SOBP: variants seen among roughly 807,000 people sequenced by gnomAD.
SOBP encodes the protein sine oculis-binding protein homolog.
A neutral mutation model predicts 53.6 loss-of-function variants in SOBP; 4 were observed. The observed-to-expected ratio is 0.07, with a 90% CI of 0.04 to 0.17. The LOEUF is 0.17. Among genes scored for constraint, SOBP ranks in the 10% least tolerant of loss-of-function variants. The probability of loss-of-function intolerance (pLI) is 1.00; values close to 1 mark genes in which losing one functional copy is unlikely to be tolerated. For missense variants in SOBP, 1,088 were observed against 1,204.7 expected, an observed-to-expected ratio of 0.90 and a Z score of 1.43; for synonymous variants, 584 against 522.6, an observed-to-expected ratio of 1.12 and a Z score of -1.60.
intron 6 of SOBP, among the ~76,000 whole-genome samples, chr6:107,650,396 C>G (rs911740969): frequency 5.9e-5 from 9 of 152,198 alleles, no homozygotes; most frequent in African/African-American, 2.2e-4. Context: ...TTACGCTTCA[C>G]GAATATTGCC....
At chr6:107,573,807 A>G (rs941767215) in intron 4 of SOBP, among the ~76,000 whole-genome samples, 4 of 152,212 alleles carry the variant, frequency 2.6e-5, no homozygotes. Flanking sequence ...TTAAACATCT[A>G]AGTTTTAAAC....
intron 4 of SOBP, among the ~76,000 whole-genome samples, chr6:107,575,232 G>T (rs1785191495): frequency 6.6e-6 from 1 of 152,182 alleles, no homozygotes; most frequent in African/African-American, 2.4e-5. Context: ...TAAAGGTTTA[G>T]GAAGCTTTAA....
intron 6 of SOBP, among the ~76,000 whole-genome samples, chr6:107,656,674 G>A (rs1214913161): frequency 1.3e-5 from 2 of 152,210 alleles, no homozygotes; most frequent in African/African-American, 2.4e-5. Flanking sequence ...CAAAGCACAA[G>A]CTTCCACTTA....
chr6:107,598,803 GTCA>G (rs1315042674), intron 5 of SOBP, among the ~76,000 whole-genome samples: 3 of 152,108 alleles, frequency 2.0e-5, no homozygotes, highest in Admixed American at 6.5e-5. Flanking sequence ...AAAAATATTG[GTCA>G]TCAAGTTTTT....
intron 5 of SOBP, among the ~76,000 whole-genome samples, chr6:107,615,630 G>A (rs957456955): frequency 1.3e-5 from 2 of 152,164 alleles, no homozygotes; most frequent in African/African-American, 4.8e-5. Context: ...AGGATGGTGT[G>A]TTCCCCAAGG....
chr6:107,501,454 C>T (rs544515538), intron 1 of SOBP, among the ~76,000 whole-genome samples: 44 of 152,240 alleles, frequency 2.9e-4, no homozygotes, highest in African/African-American at 1.0e-3. Flanking sequence ...CATAGATGAC[C>T]GGTCTATAAA....
intron 5 of SOBP, among the ~76,000 whole-genome samples, chr6:107,610,215 A>G (rs1188838317): frequency 6.6e-6 from 1 of 152,154 alleles, no homozygotes; most frequent in Non-Finnish European, 1.5e-5. Flanking sequence ...TTCCCTTTCC[A>G]CAGTGCTTAT....
chr6:107,619,373 A>G (rs1786919339), intron 5 of SOBP, among the ~76,000 whole-genome samples: 1 of 152,226 alleles, frequency 6.6e-6, no homozygotes, highest in Non-Finnish European at 1.5e-5. Flanking sequence ...CTCTGGATGA[A>G]TGAAGTTTAA....
At chr6:107,506,804 C>T (rs1482429662) in intron 3 of SOBP, among the ~76,000 whole-genome samples, 3 of 151,746 alleles carry the variant, frequency 2.0e-5, no homozygotes. Context: ...GCTTGTAATC[C>T]CTGCACTTTG....
chr6:107,508,407 C>T lies in SOBP; in HGVS notation c.421+1980C>T, dbSNP rs779057505. 2.9e-4 allele frequency among the ~76,000 whole-genome samples: 44 copies of T among 152,020 alleles called. 1 individual carries two copies. Among genetic ancestry groups the T allele is most frequent in the South Asian group, 4.2e-4 (2 of 4,814 alleles). On this transcript the variant is annotated intron_variant, in intron 3 of 6. Coordinates refer to ENST00000317357, the MANE Select transcript of SOBP (RefSeq NM_018013.4). Reference sequence around the variant, plus strand: ...TAGCCAGGCCAACATGGAGAAACCCCGTCTCTACTAAAACTGCAAAAATTA... The same window carrying T: ...TAGCCAGGCCAACATGGAGAAACCCTGTCTCTACTAAAACTGCAAAAATTA...
At chr6:107,645,019 T>G (rs553910102) in intron 6 of SOBP, among the ~76,000 whole-genome samples, 2 of 152,106 alleles carry the variant, frequency 1.3e-5, no homozygotes, top group South Asian at 4.2e-4. Context: ...TATGAAAAAT[T>G]TTTGGTGGAA....
chr6:107,633,856 G>C lies in SOBP; in HGVS notation c.1012G>C (p.Ala338Pro), dbSNP rs759324787. Residue 338 changes from alanine (A) to proline (P), a missense_variant, in exon 6 of 7, where the codon GCC becomes CCC. Ala to Pro is a conservative substitution (Grantham distance 27). Around this residue, in one of 6 missense-constraint regions of SOBP, gnomAD observed 211 missense variants for 258.9 expected, o/e 0.82. Coordinates refer to ENST00000317357, the MANE Select transcript of SOBP (RefSeq NM_018013.4). The part of the protein sequence containing the change: ...ASTTVSPSDT[A>P]NCSVTKIPTP... ...CACCACCGTCTCTCCATCTGACACT[G>C]CCAACTGCTCTGTCACTAAAATCCC... 1.9e-5 allele frequency: 30 copies of C among 1,613,882 alleles called. No individual in the cohort carries two copies. Among genetic ancestry groups the C allele is most frequent in the Non-Finnish European group, 5.9e-6 (7 of 1,180,012 alleles).
chr6:107,570,571 C>T (rs958992171), intron 4 of SOBP, among the ~76,000 whole-genome samples: 6 of 152,254 alleles, frequency 3.9e-5, no homozygotes, highest in African/African-American at 1.4e-4. Flanking sequence ...TACAGCCACG[C>T]TCTCATTCTA....
Position 107,533,554 on chromosome 6 carries a change from T to C in SOBP, c.517T>C (p.Phe173Leu). The change falls in exon 4 of 7, where the codon TTC becomes CTC. Residue 173 changes from phenylalanine (F) to leucine (L), a missense_variant. This residue lies in a region of SOBP where 55 missense variants were observed against 134.3 expected (regional missense o/e 0.41). Coordinates refer to ENST00000317357, the MANE Select transcript of SOBP (RefSeq NM_018013.4). ...SLSMGSEVKS[F>L]CSEKCFAACR... ...GAGTATGGGAAGTGAGGTGAAAAGC[T>C]TCTGCAGCGAGAAGTGCTTTGCGGC... 6.2e-7 allele frequency: 1 copy of C among 1,614,126 alleles called. No individual in the cohort carries two copies. Among genetic ancestry groups the C allele is most frequent in the Non-Finnish European group, 8.5e-7 (1 of 1,180,018 alleles).
At chr6:107,544,044 T>C (rs1250842107) in intron 4 of SOBP, among the ~76,000 whole-genome samples, 14 of 152,320 alleles carry the variant, frequency 9.2e-5, no homozygotes, top group Non-Finnish European at 2.9e-5. Flanking sequence ...TCAGTGTAAG[T>C]GGCCTAGGAG....
chr6:107,499,187 A>G (rs990296507), intron 1 of SOBP, among the ~76,000 whole-genome samples: 2 of 152,186 alleles, frequency 1.3e-5, no homozygotes, highest in Admixed American at 6.5e-5. Flanking sequence ...TACAGAATTT[A>G]TAATAGAAAG....
chr6:107,638,135 C>T (rs1771133055), intron 6 of SOBP, among the ~76,000 whole-genome samples: 1 of 152,230 alleles, frequency 6.6e-6, no homozygotes, highest in Non-Finnish European at 1.5e-5. Context: ...TCCGTGTCAC[C>T]TCACAGCACA....
intron 4 of SOBP, among the ~76,000 whole-genome samples, chr6:107,559,333 A>G (rs1784709517): frequency 6.6e-6 from 1 of 152,176 alleles, no homozygotes; most frequent in Admixed American, 6.5e-5. Flanking sequence ...GGGAACCCAT[A>G]CAGAAGATGT....
At chr6:107,616,081 G>A (rs1184782089) in intron 5 of SOBP, among the ~76,000 whole-genome samples, 1 of 105,392 alleles carries the variant, frequency 9.5e-6, no homozygotes, top group Non-Finnish European at 1.8e-5. Flanking sequence ...TGAGGAAGGG[G>A]GGTGGGGGGG....
Sources: allele counts gnomAD v4.1 joint callset (sites outside exome capture counted in the v4.1 genomes callset), GRCh38; gene constraint gnomAD v4.1.1; regional missense constraint gnomAD v4.1.1; transcripts MANE v1.5; gene names NCBI Gene and HGNC (gene_info 2026-07-23, HGNC 2026-07-21).